Variants in CLEC7A observed in about 807,000 individuals in gnomAD.
CLEC7A encodes the protein C-type lectin domain containing 7A, also known as C-type lectin domain family 7 member A.
In CLEC7A, 25 loss-of-function variants were observed where a neutral mutation model predicts 26.9. The observed-to-expected ratio is 0.93, with a 90% CI of 0.68 to 1.30. The LOEUF (loss-of-function observed/expected upper bound fraction) is 1.30, where lower values mean the gene tolerates loss of function less well. CLEC7A is among the 50% of genes most tolerant of loss of function. The pLI is 0.00. For missense variants in CLEC7A, 275 were observed against 286.7 expected (o/e 0.96, Z 0.29); for synonymous variants, 100 against 99.5 (o/e 1.01, Z -0.03).
intron 5 of CLEC7A, among the ~76,000 whole-genome samples, chr12:10,120,106 G>A (rs59388877): frequency 0.13 from 20,067 of 151,936 alleles, 1,761 homozygotes; most frequent in African/African-American, 0.26. Context: ...ATAGATGACC[G>A]GAAGATATGT....
chr12:10,122,324 C>T (rs79724117), intron 5 of CLEC7A, among the ~76,000 whole-genome samples: 2,130 of 152,180 alleles, frequency 0.014, 34 homozygotes, highest in African/African-American at 0.047. Flanking sequence ...ATGTGAAATA[C>T]GTTTAAAATA....
intron 5 of CLEC7A, 61 bp downstream of exon 5, chr12:10,123,184 A>G (rs1180032733): frequency 9.2e-7 from 1 of 1,085,592 alleles, no homozygotes; most frequent in African/African-American, 1.6e-5. Context: ...AGAGGTTTTC[A>G]TAGATGAGAT....
chr12:10,126,284 A>T (rs1948282201), intron 3 of CLEC7A: 2 of 982,702 alleles, frequency 2.0e-6, no homozygotes, highest in East Asian at 1.1e-4. Context: ...AAATTATATG[A>T]TCTCCTGTAG....
chr12:10,129,562 T>C (rs959844721), intron 1 of CLEC7A, among the ~76,000 whole-genome samples: 4 of 152,200 alleles, frequency 2.6e-5, no homozygotes, highest in African/African-American at 7.2e-5. Context: ...TCCATAAAAA[T>C]ATACACATCA....
chr12:10,127,120 T>A, intron 2 of CLEC7A: 1 of 1,217,196 alleles, frequency 8.2e-7, no homozygotes. Context: ...AATAAACATT[T>A]GACTAATTAA....
At chr12:10,125,064 G>T (rs1407391324) in intron 4 of CLEC7A, 1 of 557,388 alleles carries the variant, frequency 1.8e-6, no homozygotes, top group Non-Finnish European at 3.2e-6. Flanking sequence ...AGACGAGTGT[G>T]GTGGTGCACC....
At chr12:10,120,817 C>G (rs1041711398) in intron 5 of CLEC7A, among the ~76,000 whole-genome samples, 1 of 145,830 alleles carries the variant, frequency 6.9e-6, no homozygotes, top group African/African-American at 2.5e-5. Context: ...TGCAGTGGTG[C>G]GATCTCGGCT....
rs778796744 is a variant in CLEC7A at position 10,127,522 on chromosome 12, C to G, written c.202+225G>C. 11 of 1,347,484 alleles carry G rather than the reference C, an allele frequency of 8.2e-6. No individual in the cohort carries two copies. The East Asian group carries it at 2.5e-4, about 31-fold the overall frequency. 83.5% of individuals were successfully genotyped at this position (1,347,484 alleles called of 1,614,324 possible). On this transcript the variant is annotated intron_variant, in intron 2 of 5. Transcript: ENST00000304084. ...GATCACCCAAATTTCTAATCATGGT[C>G]CCACCACTAACTAGCTTATAACCCT...
In CLEC7A at chr12:10,124,974, A is replaced by T. The variant is rs1213509070; in HGVS notation, c.492+323T>A. The T allele has an allele frequency of 3.6e-5, 10 of 279,308 alleles. No homozygotes were observed. The South Asian group carries it at 3.6e-4, about 10-fold the overall frequency. The allele number at this position is 279,308 out of a possible 1,614,324, so 17.3% of individuals were successfully genotyped here. On this transcript the variant is annotated intron_variant, in intron 4 of 5. Coordinates refer to ENST00000304084, the MANE Select transcript of CLEC7A (RefSeq NM_197947.3). ...AACACTGGGAGATCGAGGTAGGCAG[A>T]TCGCTTGTGCCCAGGATTTTGAGAC...
At chr12:10,120,060 G>T (rs1306860962) in intron 5 of CLEC7A, among the ~76,000 whole-genome samples, 1 of 152,056 alleles carries the variant, frequency 6.6e-6, no homozygotes, top group Non-Finnish European at 1.5e-5. Flanking sequence ...ACTTAATAGA[G>T]GCTTTTAATG....
intron 5 of CLEC7A, among the ~76,000 whole-genome samples, chr12:10,120,093 A>G (rs1445818136): frequency 6.8e-6 from 1 of 147,962 alleles, no homozygotes; most frequent in Admixed American, 6.7e-5. Flanking sequence ...CAGATGAGAA[A>G]AAATAGATGA....
intron 4 of CLEC7A, 84 bp downstream of exon 4, chr12:10,125,201 ACTTCATTTTAGG>A: frequency 9.5e-7 from 1 of 1,051,308 alleles, no homozygotes; most frequent in South Asian, 1.4e-5. Context: ...AAAAAAAAAG[ACTTCATTTTAGG>A]AAAAATTGTC....
intron 4 of CLEC7A, among the ~76,000 whole-genome samples, chr12:10,123,567 C>T (rs1387730238): frequency 6.6e-6 from 1 of 150,602 alleles, no homozygotes; most frequent in East Asian, 1.9e-4. Context: ...CGAGACCATC[C>T]TGGCTAACAA....
intron 3 of CLEC7A, 121 bp from the exon 4 acceptor site, chr12:10,125,569 A>C (rs1452820509): frequency 1.4e-6 from 1 of 720,290 alleles, no homozygotes; most frequent in African/African-American, 1.8e-5. Context: ...TTTATATTTC[A>C]TTGTCAATTC....
chr12:10,127,219 T>C, intron 2 of CLEC7A: 1 of 1,226,324 alleles, frequency 8.2e-7, no homozygotes, highest in Non-Finnish European at 1.1e-6. Context: ...TTACAAAATA[T>C]CGACTTAAGA....
At chr12:10,119,295 G>A (rs1056602355) in intron 5 of CLEC7A, among the ~76,000 whole-genome samples, 1 of 152,222 alleles carries the variant, frequency 6.6e-6, no homozygotes, top group Admixed American at 6.5e-5. Flanking sequence ...TCTTGACCCT[G>A]AGGTTGGAAG....
At chr12:10,121,292 T>C (rs1948077361) in intron 5 of CLEC7A, among the ~76,000 whole-genome samples, 1 of 149,320 alleles carries the variant, frequency 6.7e-6, no homozygotes, top group African/African-American at 2.5e-5. Flanking sequence ...AAAAACAGAA[T>C]AAGAAAAAGT....
chr12:10,130,172 C>T lies in CLEC7A; in HGVS notation c.-90G>A. On this transcript the variant is annotated 5_prime_UTR_variant, in exon 1 of 6. Coordinates refer to ENST00000304084, the MANE Select transcript of CLEC7A (RefSeq NM_197947.3). ...ACTGTCTGTGGACAAAAGAGAATCTCTGAGTCAAATCATGTGGGCTAGGTA... is the reference window on the plus strand; with the variant it reads ...ACTGTCTGTGGACAAAAGAGAATCTTTGAGTCAAATCATGTGGGCTAGGTA... 1.5e-6 allele frequency: 1 copy of T among 655,898 alleles called. No homozygotes were observed. The highest frequency in any genetic ancestry group is 2.7e-6 in the Non-Finnish European group (1 of 368,368). The allele number at this position is 655,898 out of a possible 1,614,324, so 40.6% of individuals were successfully genotyped here. A position where few individuals can be genotyped will look rare whatever the true frequency, so the allele number is the denominator to read the frequency against.
At chr12:10,127,993 T>C (rs1484264755) in intron 1 of CLEC7A, 148 bp from the exon 2 acceptor site, 1 of 615,286 alleles carries the variant, frequency 1.6e-6, no homozygotes, top group African/African-American at 1.9e-5. Flanking sequence ...GGAGGATTGC[T>C]TGAGGCCAGA....
Sources: allele counts gnomAD v4.1 joint callset (sites outside exome capture counted in the v4.1 genomes callset), GRCh38; gene constraint gnomAD v4.1.1; transcripts MANE v1.5; gene names NCBI Gene and HGNC (gene_info 2026-07-23, HGNC 2026-07-21).